The following NRXN1 variants were observed in gnomAD, a reference collection of about 807,000 sequenced individuals.
The protein encoded by NRXN1 is neurexin 1, also known as neurexin-1.
In NRXN1, 39 loss-of-function variants were observed where a neutral mutation model predicts 150.9. That is an observed-to-expected ratio of 0.26 (90% CI 0.20 to 0.34). The LOEUF (loss-of-function observed/expected upper bound fraction) is 0.34, where lower values mean the gene tolerates loss of function less well. Among genes scored for constraint, NRXN1 ranks in the 10% least tolerant of loss-of-function variants. The pLI is 1.00. For missense variants in NRXN1, 1,815 were observed against 1,949.9 expected (o/e 0.93, Z 1.30); for synonymous variants, 924 against 757.0 (o/e 1.22, Z -3.62).
At chr2:50,319,156 G>A (rs571480310) in intron 17 of NRXN1, among the ~76,000 whole-genome samples, 20 of 152,210 alleles carry the variant, frequency 1.3e-4, no homozygotes, top group South Asian at 1.2e-3. Context: ...CATAGTGTCA[G>A]TGGAATAATA....
chr2:50,688,805 A>T (rs1019569238), intron 5 of NRXN1, among the ~76,000 whole-genome samples: 4 of 152,176 alleles, frequency 2.6e-5, no homozygotes, highest in African/African-American at 7.2e-5. Context: ...TACTGATTAT[A>T]CCATCAGTCC....
At chr2:50,084,328 G>A (rs116617674) in intron 19 of NRXN1, among the ~76,000 whole-genome samples, 3,654 of 152,250 alleles carry the variant, frequency 0.024, 165 homozygotes, top group African/African-American at 0.084. Context: ...CAGGCATGGC[G>A]GACTGCAGGT....
chr2:50,418,118 T>G (rs577323100), intron 17 of NRXN1, among the ~76,000 whole-genome samples: 69 of 151,898 alleles, frequency 4.5e-4, no homozygotes, highest in Non-Finnish European at 8.7e-4. Flanking sequence ...TCAAAAGGAT[T>G]TTATTTCCTT....
intron 5 of NRXN1, among the ~76,000 whole-genome samples, chr2:50,732,481 T>C (rs1282211008): frequency 6.6e-6 from 1 of 152,192 alleles, no homozygotes; most frequent in Non-Finnish European, 1.5e-5. Flanking sequence ...TCTGTACTTT[T>C]CACTGAATGA....
chr2:50,550,798 C>T (rs1667349166), intron 9 of NRXN1, among the ~76,000 whole-genome samples: 1 of 151,818 alleles, frequency 6.6e-6, no homozygotes, highest in South Asian at 2.1e-4. Context: ...TCTCCTGCCT[C>T]AGCCTCCCGA....
intron 5 of NRXN1, chr2:50,912,849 A>AG (rs1260008420): frequency 1.3e-5 from 2 of 151,664 alleles, no homozygotes; most frequent in Non-Finnish European, 2.9e-5. Context: ...ATAAATAATG[A>AG]GGACAAATGC....
intron 22 of NRXN1, among the ~76,000 whole-genome samples, chr2:49,937,049 A>G (rs1362467179): frequency 2.0e-5 from 3 of 152,182 alleles, no homozygotes; most frequent in African/African-American, 7.2e-5. Flanking sequence ...ATGTGTAAAT[A>G]TGGAGGACTT....
At chr2:50,115,698 A>T (rs1702971565) in intron 18 of NRXN1, among the ~76,000 whole-genome samples, 1 of 152,078 alleles carries the variant, frequency 6.6e-6, no homozygotes, top group Non-Finnish European at 1.5e-5. Context: ...AGAGAAGTCC[A>T]GGTGGGAGAA....
intron 2 of NRXN1, among the ~76,000 whole-genome samples, chr2:50,978,271 CATATATATATATATATATATAT>C (rs10671122): frequency 5.3e-5 from 5 of 95,020 alleles, no homozygotes; most frequent in Non-Finnish European, 9.1e-5. Flanking sequence ...GGATATTATA[CATATATATATATATATATATAT>C]ATATATATAT....
At chr2:50,522,109 C>G (rs2092805800) in intron 12 of NRXN1, among the ~76,000 whole-genome samples, 1 of 152,056 alleles carries the variant, frequency 6.6e-6, no homozygotes, top group Non-Finnish European at 1.5e-5. Context: ...AGAAGAAACT[C>G]AAAACAATGG....
intron 21 of NRXN1, among the ~76,000 whole-genome samples, chr2:50,025,502 T>C (rs1558718806): frequency 2.0e-5 from 3 of 152,198 alleles, no homozygotes; most frequent in Admixed American, 6.6e-5. Context: ...CTATAGGTCA[T>C]GGAAGCCACA....
chr2:49,926,647 T>TA (rs1447012943), intron 22 of NRXN1, among the ~76,000 whole-genome samples: 1 of 152,104 alleles, frequency 6.6e-6, no homozygotes, highest in Non-Finnish European at 1.5e-5. Context: ...TGCTCTCCAT[T>TA]AAAAAGTAAA....
At chr2:49,979,123 C>G (rs1679530629) in intron 21 of NRXN1, among the ~76,000 whole-genome samples, 1 of 152,040 alleles carries the variant, frequency 6.6e-6, no homozygotes, top group South Asian at 2.1e-4. Context: ...ATGGTGAAAC[C>G]CTGTCTCTAC....
chr2:50,020,968 C>A (rs1687478083), intron 21 of NRXN1, among the ~76,000 whole-genome samples: 1 of 151,996 alleles, frequency 6.6e-6, no homozygotes, highest in African/African-American at 2.4e-5. Flanking sequence ...TTTCTCATGC[C>A]AAGTCAAACA....
rs188251862 is a variant in NRXN1 at position 50,885,953 on chromosome 2, A to G, written c.832+35916T>C. Among the ~76,000 whole-genome samples, 135 of 151,600 alleles carry G rather than the reference A, an allele frequency of 8.9e-4. 1 individual carries two copies. The highest frequency in any genetic ancestry group is 3.1e-3 in the African/African-American group (127 of 41,504). On this transcript the variant is annotated intron_variant, in intron 5 of 22. Transcript: ENST00000401669. ...CTCTCTGTGGGGGAGAATAAAATAC[A>G]AAATAAAATATCTAAGGGAATTCAC...
chr2:50,561,435 T>C (rs1342248459), intron 8 of NRXN1, among the ~76,000 whole-genome samples: 1 of 152,170 alleles, frequency 6.6e-6, no homozygotes, highest in Non-Finnish European at 1.5e-5. Context: ...ACTTGATCAA[T>C]TGTCTTATTT....
intron 16 of NRXN1, 139 bp downstream of exon 16, chr2:50,472,159 T>A (rs543863516): frequency 3.3e-6 from 2 of 610,800 alleles, no homozygotes; most frequent in South Asian, 5.1e-5. Flanking sequence ...AGATAAAAAA[T>A]TAAAAACTTG....
At chr2:50,090,635 A>T (rs1364149262) in intron 19 of NRXN1, among the ~76,000 whole-genome samples, 1 of 152,202 alleles carries the variant, frequency 6.6e-6, no homozygotes, top group African/African-American at 2.4e-5. Flanking sequence ...TTTCAATAAC[A>T]TAATATTGAT....
chr2:50,152,890 A>AT (rs1165006440), intron 18 of NRXN1, among the ~76,000 whole-genome samples: 7 of 151,400 alleles, frequency 4.6e-5, no homozygotes, highest in Admixed American at 4.0e-4. Flanking sequence ...TTCAGGTATT[A>AT]TTTTTTTCAA....
Sources: gnomAD v4.1 joint callset for allele counts (sites outside exome capture counted in the v4.1 genomes callset) on GRCh38, gnomAD v4.1.1 for gene constraint, MANE v1.5 for transcripts, NCBI Gene and HGNC (gene_info 2026-07-23, HGNC 2026-07-21) for gene names.